TDP1: variants seen among roughly 807,000 people sequenced by gnomAD.
TDP1 encodes the protein tyr-DNA phosphodiesterase 1.
A neutral mutation model predicts 81.5 loss-of-function variants in TDP1; 64 were observed. The observed-to-expected ratio is 0.79, with a 90% confidence interval of 0.64 to 0.97. TDP1 has a LOEUF of 0.97. Among genes scored for constraint, TDP1 ranks in the 50% least tolerant of loss-of-function variants. The pLI is 0.00. For missense variants in TDP1, 723 were observed against 743.8 expected, an observed-to-expected ratio of 0.97 and a Z score of 0.33; for synonymous variants, 256 against 264.3, an observed-to-expected ratio of 0.97 and a Z score of 0.30.
intron 13 of TDP1, chr14:89,993,170 C>CT: frequency 1.0e-6 from 1 of 983,412 alleles, no homozygotes; most frequent in South Asian, 4.7e-5. Context: ...GGTTGCAGTG[C>CT]TTCTTGTGAA....
chr14:90,006,644 C>T (rs1045054841), intron 14 of TDP1, among the ~76,000 whole-genome samples: 5 of 152,174 alleles, frequency 3.3e-5, no homozygotes, highest in African/African-American at 1.2e-4. Flanking sequence ...TCAAGCGATT[C>T]TCCTGCCTCA....
chr14:89,998,808 A>G (rs1896949660), intron 14 of TDP1, among the ~76,000 whole-genome samples: 1 of 152,000 alleles, frequency 6.6e-6, no homozygotes, highest in Non-Finnish European at 1.5e-5. Flanking sequence ...TGGAGTCAAT[A>G]GGATGGGAGG....
chr14:89,967,285 A>G, intron 4 of TDP1, 82 bp from the exon 5 acceptor site: 1 of 1,449,458 alleles, frequency 6.9e-7, no homozygotes, highest in Non-Finnish European at 9.7e-7. Flanking sequence ...GTTTCCTTAA[A>G]TGTAATAACT....
intron 12 of TDP1, 24 bp downstream of exon 12, chr14:89,989,789 G>T: frequency 1.3e-6 from 2 of 1,580,872 alleles, no homozygotes; most frequent in Non-Finnish European, 1.7e-6. Flanking sequence ...AGACTGTCTT[G>T]ATTGTGTTTT....
chr14:90,032,686 A>G, intron 15 of TDP1: 1 of 947,226 alleles, frequency 1.1e-6, no homozygotes, highest in Non-Finnish European at 1.3e-6. Context: ...TATACATGAA[A>G]GCAGCTTTTA....
chr14:90,005,227 G>T (rs1041799497), intron 14 of TDP1, among the ~76,000 whole-genome samples: 1 of 152,128 alleles, frequency 6.6e-6, no homozygotes, highest in Admixed American at 6.5e-5. Context: ...AAAACCAGGG[G>T]TTGGGCTAAA....
rs141869679 is a variant in TDP1, at chr14:90,008,514, A to G, written c.1542-10802A>G. Among the ~76,000 whole-genome samples the G allele has an allele frequency of 3.5e-3, 531 of 152,302 alleles. 4 individuals are homozygous for G. Among genetic ancestry groups the G allele is most frequent in the African/African-American group, 0.012 (498 of 41,560 alleles). The stretch of plus-strand genomic sequence containing the variant: ...TAGTACCTGTTGAAATCTTGGGCAA[A>G]TGACTTCCATTTTCTCATCTGTTAA... On this transcript the variant is annotated intron_variant, in intron 14 of 16. Transcript: ENST00000335725.
At chr14:90,033,057 A>T (rs780453436) in intron 15 of TDP1, 49 bp from the exon 16 acceptor site, 41 of 1,275,656 alleles carry the variant, frequency 3.2e-5, no homozygotes, top group South Asian at 2.2e-4. Context: ...TTTTTTTTTT[A>T]AACCCAGAAA....
At chr14:90,004,460 C>A (rs1047145165) in intron 14 of TDP1, among the ~76,000 whole-genome samples, 6 of 152,150 alleles carry the variant, frequency 3.9e-5, no homozygotes, top group Non-Finnish European at 8.8e-5. Flanking sequence ...CATTTAATCA[C>A]CCAAATTGGG....
At chr14:89,975,946 G>A (rs183499654) in intron 7 of TDP1, 131 bp downstream of exon 7, 4 of 777,470 alleles carry the variant, frequency 5.1e-6, no homozygotes, top group Non-Finnish European at 9.4e-6. Context: ...ACTGAGCCTG[G>A]GGGAGCTATT....
At chr14:90,021,574 C>T (rs2140276515) in intron 15 of TDP1, among the ~76,000 whole-genome samples, 1 of 152,236 alleles carries the variant, frequency 6.6e-6, no homozygotes. Flanking sequence ...ATTTTTTACC[C>T]CAGATATTCT....
intron 14 of TDP1, among the ~76,000 whole-genome samples, chr14:90,005,252 G>A (rs1403646933): frequency 6.6e-6 from 1 of 152,094 alleles, no homozygotes; most frequent in Non-Finnish European, 1.5e-5. Flanking sequence ...TGGATTTTAT[G>A]CTGTGTTCCT....
intron 7 of TDP1, among the ~76,000 whole-genome samples, chr14:89,979,709 A>G (rs1894762606): frequency 6.6e-6 from 1 of 152,184 alleles, no homozygotes; most frequent in African/African-American, 2.4e-5. Flanking sequence ...TGAATGGCTT[A>G]CCTAGGGTCA....
intron 7 of TDP1, among the ~76,000 whole-genome samples, chr14:89,977,077 C>T (rs920250054): frequency 7.2e-5 from 11 of 152,082 alleles, no homozygotes; most frequent in African/African-American, 2.7e-4. Flanking sequence ...ATCGCTTGAG[C>T]CTGCAAGGCG....
intron 2 of TDP1, among the ~76,000 whole-genome samples, chr14:89,961,695 CA>C (rs1328443932): frequency 6.6e-6 from 1 of 152,066 alleles, no homozygotes. Flanking sequence ...TCCCCTTAGC[CA>C]AGATTTTTAT....
chr14:90,038,463 T>A (rs1296316074), intron 16 of TDP1, among the ~76,000 whole-genome samples: 1 of 152,206 alleles, frequency 6.6e-6, no homozygotes, highest in Non-Finnish European at 1.5e-5. Context: ...GAGTCCAGAA[T>A]CATCAAGTAT....
At chr14:90,003,122 G>A (rs1393542589) in intron 14 of TDP1, among the ~76,000 whole-genome samples, 2 of 152,072 alleles carry the variant, frequency 1.3e-5, no homozygotes, top group African/African-American at 4.8e-5. Context: ...ATTTTTAGTA[G>A]AGATGAGGTT....
At chr14:90,022,041 C>A (rs1169998579) in intron 15 of TDP1, among the ~76,000 whole-genome samples, 1 of 152,188 alleles carries the variant, frequency 6.6e-6, no homozygotes, top group Admixed American at 6.5e-5. Flanking sequence ...GTGCTCTAAT[C>A]AGGCATTGTG....
At chr14:89,973,072 C>T (rs1490355916) in intron 6 of TDP1, among the ~76,000 whole-genome samples, 1 of 152,112 alleles carries the variant, frequency 6.6e-6, no homozygotes, top group Non-Finnish European at 1.5e-5. Flanking sequence ...TTAGTTTAAA[C>T]ATACCTCACA....
Sources: gnomAD v4.1 joint callset for allele counts (sites outside exome capture counted in the v4.1 genomes callset) on GRCh38, gnomAD v4.1.1 for gene constraint, MANE v1.5 for transcripts, NCBI Gene and HGNC (gene_info 2026-07-23, HGNC 2026-07-21) for gene names.